The following TOP1 variants were observed in gnomAD, a reference collection of about 807,000 sequenced individuals.
TOP1 encodes DNA topoisomerase 1.
In TOP1, 10 loss-of-function variants were observed where a neutral mutation model predicts 111.1. The observed-to-expected ratio is 0.09, with a 90% confidence interval of 0.06 to 0.15. The LOEUF (loss-of-function observed/expected upper bound fraction) is 0.15. Among genes scored for constraint, TOP1 ranks in the 10% least tolerant of loss-of-function variants. The pLI is 1.00. For missense variants in TOP1, 474 were observed against 926.7 expected, an observed-to-expected ratio of 0.51 and a Z score of 6.34; for synonymous variants, 271 against 302.9, an observed-to-expected ratio of 0.89 and a Z score of 1.10.
intron 4 of TOP1, among the ~76,000 whole-genome samples, chr20:41,077,131 G>T (rs2033737399): frequency 6.6e-6 from 1 of 152,146 alleles, no homozygotes; most frequent in Non-Finnish European, 1.5e-5. Flanking sequence ...TGTTGGCGGG[G>T]CTAGTCTCGA....
intron 3 of TOP1, among the ~76,000 whole-genome samples, chr20:41,065,862 C>G (rs2033600233): frequency 6.6e-6 from 1 of 152,070 alleles, no homozygotes; most frequent in South Asian, 2.1e-4. Flanking sequence ...TTGAGTTCCA[C>G]TTTCATTCTC....
Position 41,115,228 on chromosome 20 carries a change from A to G in TOP1, c.1639-143A>G, listed in dbSNP as rs2034310467. The G allele has an allele frequency of 5.0e-6, 3 of 597,100 alleles. No homozygotes were observed. In the Admixed American group the frequency reaches 8.1e-5, roughly 16 times the overall value. 37.0% of individuals were successfully genotyped at this position (597,100 alleles called of 1,614,324 possible). ...ACACTGTGCAAATGATGAATGGGGTAAAATGTTAACAGTGAATCTCGGTGA... is the reference window on the plus strand; with the variant it reads ...ACACTGTGCAAATGATGAATGGGGTGAAATGTTAACAGTGAATCTCGGTGA... On this transcript the variant is annotated intron_variant, in intron 15 of 20. Transcript: ENST00000361337. The surrounding 1 kb of genome is among the most constrained non-coding windows in gnomAD (Gnocchi z 6.3).
In TOP1 at chr20:41,116,361, G is replaced by A. The variant is rs772448631; in HGVS notation, c.1791G>A (p.Thr597=). The A allele has an allele frequency of 1.7e-5, 28 of 1,613,830 alleles. No homozygotes were observed. Among genetic ancestry groups the A allele is most frequent in the South Asian group, 1.4e-4 (13 of 91,068 alleles). Residue 597 remains threonine (T), a synonymous_variant, in exon 17 of 21, where the codon ACG becomes ACA. Transcript: ENST00000361337. The surrounding 1 kb of genome is among the most constrained non-coding windows in gnomAD (Gnocchi z 5.6). ...TCCGTACATACAATGCCTCCATCAC[G>A]CTACAGCAGCAGCTAAAAGAACTGA... ...KVFRTYNASI[T]LQQQLKELTA...
At chr20:41,081,382 T>C in intron 7 of TOP1, 142 bp downstream of exon 7, 1 of 1,001,534 alleles carries the variant, frequency 1.0e-6, no homozygotes, top group Non-Finnish European at 1.4e-6. Flanking sequence ...AAGTGGTGGC[T>C]GTGGCACTGG....
At position 41,034,932 on chromosome 20, in the gene TOP1, C is replaced by T. The variant is rs1005457023; in HGVS notation, c.58+5477C>T. Among the ~76,000 whole-genome samples the T allele has an allele frequency of 2.0e-5, 3 of 151,968 alleles. No homozygotes were observed. Among genetic ancestry groups the T allele is most frequent in the South Asian group, 2.1e-4 (1 of 4,828 alleles). Reference sequence around the variant, plus strand: ...GCAGACAGGGTTTCTGTTTGTTGCCCGGGCTGGAGCGCAGTAGTGTGATTG... The same window carrying T: ...GCAGACAGGGTTTCTGTTTGTTGCCTGGGCTGGAGCGCAGTAGTGTGATTG... On this transcript the variant is annotated intron_variant, in intron 2 of 20. Coordinates refer to ENST00000361337, the MANE Select transcript of TOP1 (RefSeq NM_003286.4). This position sits in a 1 kb window ranked among gnomAD's most constrained non-coding sequence, Gnocchi z 4.0.
At chr20:41,040,306 T>TA (rs2033245390) in intron 2 of TOP1, among the ~76,000 whole-genome samples, 1 of 152,264 alleles carries the variant, frequency 6.6e-6, no homozygotes, top group African/African-American at 2.4e-5. Context: ...GACAAAATGT[T>TA]AGACTTACTG....
chr20:41,040,435 A>T (rs751378588), intron 2 of TOP1, among the ~76,000 whole-genome samples: 1 of 152,166 alleles, frequency 6.6e-6, no homozygotes, highest in Non-Finnish European at 1.5e-5. Flanking sequence ...GTGGCTCAGG[A>T]TCTATTTCTT....
intron 3 of TOP1, chr20:41,073,208 C>T: frequency 2.0e-6 from 2 of 985,120 alleles, no homozygotes; most frequent in Non-Finnish European, 2.4e-6. Context: ...TTGTGATTGC[C>T]AAAAGGCTCA....
intron 2 of TOP1, among the ~76,000 whole-genome samples, chr20:41,054,666 C>G (rs552072120): frequency 1.3e-5 from 2 of 152,328 alleles, no homozygotes; most frequent in East Asian, 3.9e-4. Flanking sequence ...CAGCCAGCTA[C>G]TTGAGATTAT....
In TOP1 at chr20:41,077,610, A is replaced by G. The variant is rs747837007; in HGVS notation, c.308A>G (p.Lys103Arg). Reference sequence around the variant, plus strand: ...CGAGCCTCTGGGGATGCAAAAATAAAGAAGGAGAAGGAAAATGGCTTCTCT... The same window carrying G: ...CGAGCCTCTGGGGATGCAAAAATAAGGAAGGAGAAGGAAAATGGCTTCTCT... ...KVRASGDAKI[K>R]KEKENGFSSP... The change falls in exon 5 of 21, where the codon AAG (lysine) becomes AGG (arginine). Residue 103 changes from lysine to arginine, a missense_variant. By Grantham distance (26) the Lys-to-Arg change is conservative (BLOSUM62 2). Coordinates refer to ENST00000361337, the MANE Select transcript of TOP1 (RefSeq NM_003286.4). 1 of 1,614,154 alleles carries G rather than the reference A, an allele frequency of 6.2e-7. No individual in the cohort carries two copies.
At chr20:41,090,692 G>A (rs541036033) in intron 8 of TOP1, among the ~76,000 whole-genome samples, 3 of 144,386 alleles carry the variant, frequency 2.1e-5, no homozygotes, top group Admixed American at 6.7e-5. Context: ...TAGTAGAGAC[G>A]GGGGGGTCTC....
Position 41,123,392 on chromosome 20 carries a change from G to C in TOP1, c.*95G>C. On this transcript the variant is annotated 3_prime_UTR_variant, in exon 21 of 21. Transcript: ENST00000361337. The surrounding 1 kb of genome is among the most constrained non-coding windows in gnomAD (Gnocchi z 5.8). The stretch of plus-strand genomic sequence containing the variant: ...CACTTGCCCTCGTGCCTGGGGGAGA[G>C]AGGCAGCAAGTCTTAACAAACCAAC... The C allele has an allele frequency of 1.2e-6, 1 of 826,128 alleles. No individual in the cohort carries two copies. The allele number at this position is 826,128 out of a possible 1,614,324, so 51.2% of individuals were successfully genotyped here.
chr20:41,077,497 G>C, intron 4 of TOP1, 85 bp from the exon 5 acceptor site: 1 of 1,086,498 alleles, frequency 9.2e-7, no homozygotes. Flanking sequence ...TGATGTCCCA[G>C]GAACTGATGC....
At chr20:41,047,118 A>G (rs879669202) in intron 2 of TOP1, among the ~76,000 whole-genome samples, 19 of 152,234 alleles carry the variant, frequency 1.2e-4, no homozygotes, top group Admixed American at 1.3e-4. Context: ...TACAGGAGAC[A>G]TTGCGGATAC....
chr20:41,116,191 A>T lies in TOP1; in HGVS notation c.1708-87A>T. ...GGGCAATAAACTTGACAAGATTGTG[A>T]CTGCACTGGCATAAATTACTCCTAG... On this transcript the variant is annotated intron_variant, in intron 16 of 20. Coordinates refer to ENST00000361337, the MANE Select transcript of TOP1 (RefSeq NM_003286.4). The surrounding 1 kb of genome is among the most constrained non-coding windows in gnomAD (Gnocchi z 5.6). 1 of 793,474 alleles carries T rather than the reference A, an allele frequency of 1.3e-6. No individual in the cohort carries two copies. Among genetic ancestry groups the T allele is most frequent in the Non-Finnish European group, 2.1e-6 (1 of 471,814 alleles). The allele number at this position is 793,474 out of a possible 1,614,324, so 49.2% of individuals were successfully genotyped here. A position where few individuals can be genotyped will look rare whatever the true frequency, so the allele number is the denominator to read the frequency against.
At chr20:41,072,649 G>T (rs759341807) in intron 3 of TOP1, 5 of 985,286 alleles carry the variant, frequency 5.1e-6, no homozygotes, top group East Asian at 1.1e-4. Flanking sequence ...CACTCCTGCC[G>T]GTTTGGGGGT....
chr20:41,114,511 C>G lies in TOP1; in HGVS notation c.1638+356C>G, dbSNP rs1028342342. Among the ~76,000 whole-genome samples the G allele has an allele frequency of 4.6e-5, 7 of 152,250 alleles. No homozygotes were observed. The highest frequency in any genetic ancestry group is 3.9e-4 in the Admixed American group (6 of 15,292). On this transcript the variant is annotated intron_variant, in intron 15 of 20. Coordinates refer to ENST00000361337, the MANE Select transcript of TOP1 (RefSeq NM_003286.4). The surrounding 1 kb of genome is among the most constrained non-coding windows in gnomAD (Gnocchi z 4.5). The stretch of plus-strand genomic sequence containing the variant: ...TGTGTACCTCCTTTTAGTCACTGTT[C>G]CGCCCTGTGCTACCTTCCTGGTAAG...
At chr20:41,049,203 G>A (rs905790366) in intron 2 of TOP1, among the ~76,000 whole-genome samples, 1 of 152,186 alleles carries the variant, frequency 6.6e-6, no homozygotes, top group East Asian at 1.9e-4. Context: ...AGCTGCTGAT[G>A]TTTAAGAACC....
At chr20:41,074,341 A>T (rs1186023683) in intron 3 of TOP1, among the ~76,000 whole-genome samples, 2 of 152,234 alleles carry the variant, frequency 1.3e-5, no homozygotes, top group East Asian at 3.8e-4. Context: ...TAACCATGCA[A>T]ATCCAGTGTG....
Sources: allele counts gnomAD v4.1 joint callset (sites outside exome capture counted in the v4.1 genomes callset), GRCh38; gene constraint gnomAD v4.1.1; non-coding constraint Gnocchi (gnomAD v3.1); transcripts MANE v1.5; gene names NCBI Gene and HGNC (gene_info 2026-07-23, HGNC 2026-07-21).